Variants in KCND2 observed in about 807,000 individuals in gnomAD.
KCND2 encodes the protein potassium voltage-gated channel subfamily D member 2, also known as A-type voltage-gated potassium channel KCND2.
A neutral mutation model predicts 54.4 loss-of-function variants in KCND2; 16 were observed. That is an observed-to-expected ratio of 0.29 (90% CI 0.20 to 0.45). The LOEUF (loss-of-function observed/expected upper bound fraction) is 0.45, where lower values mean the gene tolerates loss of function less well. KCND2 is among the 20% of genes least tolerant of loss of function. The pLI, the probability that KCND2 is intolerant of heterozygous loss-of-function variation, is 1.00. For missense variants in KCND2, 486 were observed against 824.2 expected, an observed-to-expected ratio of 0.59 and a Z score of 5.02; for synonymous variants, 317 against 310.7, an observed-to-expected ratio of 1.02 and a Z score of -0.21.
intron 1 of KCND2, among the ~76,000 whole-genome samples, chr7:120,351,379 CA>C (rs1173569731): frequency 2.4e-5 from 3 of 127,482 alleles, no homozygotes; most frequent in Non-Finnish European, 5.0e-5. Flanking sequence ...CACACACACA[CA>C]CACACACACA....
At chr7:120,335,483 ATTT>A in intron 1 of KCND2, among the ~76,000 whole-genome samples, 1 of 140,658 alleles carries the variant, frequency 7.1e-6, no homozygotes, top group South Asian at 2.3e-4. Flanking sequence ...TTATTTATTT[ATTT>A]ATTTATTTAT....
chr7:120,333,988 T>C (rs1374186593), intron 1 of KCND2, among the ~76,000 whole-genome samples: 1 of 152,204 alleles, frequency 6.6e-6, no homozygotes, highest in Non-Finnish European at 1.5e-5. Flanking sequence ...TAAATTATAA[T>C]CAGAATTTTG....
At chr7:120,442,056 A>T (rs1420502551) in intron 1 of KCND2, among the ~76,000 whole-genome samples, 1 of 152,158 alleles carries the variant, frequency 6.6e-6, no homozygotes, top group Non-Finnish European at 1.5e-5. Flanking sequence ...CTACTGAAAC[A>T]GAAACTATAT....
At chr7:120,653,000 G>T (rs994881860) in intron 1 of KCND2, among the ~76,000 whole-genome samples, 1 of 152,016 alleles carries the variant, frequency 6.6e-6, no homozygotes, top group Non-Finnish European at 1.5e-5. Context: ...GACCTGAGAT[G>T]GATGGAAGAG....
intron 1 of KCND2, among the ~76,000 whole-genome samples, chr7:120,608,926 A>G (rs1308026931): frequency 2.0e-5 from 3 of 152,168 alleles, no homozygotes; most frequent in Non-Finnish European, 4.4e-5. Context: ...ACACCAAGTA[A>G]CTGACCAGTT....
chr7:120,733,205 A>G, intron 2 of KCND2, 140 bp downstream of exon 2: 2 of 772,970 alleles, frequency 2.6e-6, no homozygotes, highest in South Asian at 3.1e-5. Flanking sequence ...ATTCTACACT[A>G]AAAAGAAACG....
At chr7:120,687,082 A>G (rs1342493505) in intron 1 of KCND2, among the ~76,000 whole-genome samples, 1 of 152,088 alleles carries the variant, frequency 6.6e-6, no homozygotes, top group Non-Finnish European at 1.5e-5. Context: ...ACTACCTACT[A>G]TAACACTACC....
intron 1 of KCND2, among the ~76,000 whole-genome samples, chr7:120,496,525 C>T (rs987371429): frequency 6.6e-6 from 1 of 151,940 alleles, no homozygotes; most frequent in African/African-American, 2.4e-5. Flanking sequence ...CCCAGTTTCA[C>T]GCCATTCTCC....
chr7:120,645,590 TAC>T (rs370476276), intron 1 of KCND2, among the ~76,000 whole-genome samples: 185 of 152,334 alleles, frequency 1.2e-3, no homozygotes, highest in African/African-American at 4.3e-3. Context: ...GGCATGCTAA[TAC>T]AGAGTTCTGT....
intron 1 of KCND2, among the ~76,000 whole-genome samples, chr7:120,413,524 T>C (rs1163765069): frequency 6.6e-6 from 1 of 152,042 alleles, no homozygotes; most frequent in Non-Finnish European, 1.5e-5. Context: ...TACTTATGTA[T>C]ACACATACAT....
Position 120,273,731 on chromosome 7 carries a change from C to T in KCND2, c.-902C>T, listed in dbSNP as rs796567126. 2.6e-5 allele frequency: 4 copies of T among 152,794 alleles called. No homozygotes were observed. Among genetic ancestry groups the T allele is most frequent in the African/African-American group, 9.6e-5 (4 of 41,576 alleles). The allele number at this position is 152,794 out of a possible 1,614,324, so 9.5% of individuals were successfully genotyped here. ...CGGGTGCACGGCGAGGAGAAAGTCT[C>T]TATGCAACTAAGCCCCGGCGCGCAC... On this transcript the variant is annotated 5_prime_UTR_variant, in exon 1 of 6. Transcript: ENST00000331113.
intron 1 of KCND2, among the ~76,000 whole-genome samples, chr7:120,676,793 G>A (rs1182690208): frequency 6.6e-6 from 1 of 152,162 alleles, no homozygotes; most frequent in Non-Finnish European, 1.5e-5. Context: ...GTTTCGAAAT[G>A]TAATGACCAA....
intron 1 of KCND2, among the ~76,000 whole-genome samples, chr7:120,615,479 A>T (rs1793012315): frequency 6.6e-6 from 1 of 152,190 alleles, no homozygotes; most frequent in Non-Finnish European, 1.5e-5. Context: ...CTTTTAAAGG[A>T]TAAATAAATG....
At chr7:120,672,861 A>C (rs1459194301) in intron 1 of KCND2, 2 of 152,232 alleles carry the variant, frequency 1.3e-5, no homozygotes, top group East Asian at 1.9e-4. Context: ...ACAAAGAGGA[A>C]ATTTCTGCTC....
intron 1 of KCND2, among the ~76,000 whole-genome samples, chr7:120,361,059 T>C (rs1039432280): frequency 1.3e-5 from 2 of 152,088 alleles, no homozygotes; most frequent in African/African-American, 2.4e-5. Flanking sequence ...CTTTCAGTAC[T>C]GGTCCTTGTG....
intron 1 of KCND2, among the ~76,000 whole-genome samples, chr7:120,712,884 T>C (rs1792557980): frequency 6.6e-6 from 1 of 152,184 alleles, no homozygotes; most frequent in Admixed American, 6.5e-5. Flanking sequence ...CGATTTAAGC[T>C]CTGCCATTAA....
intron 1 of KCND2, among the ~76,000 whole-genome samples, chr7:120,392,967 A>G (rs761380013): frequency 1.2e-4 from 18 of 152,054 alleles, no homozygotes; most frequent in Non-Finnish European, 1.9e-4. Flanking sequence ...TTAAAATAGC[A>G]TGCGCTTATT....
At chr7:120,681,944 ATAGT>A (rs1320174276) in intron 1 of KCND2, among the ~76,000 whole-genome samples, 2 of 152,038 alleles carry the variant, frequency 1.3e-5, no homozygotes, top group African/African-American at 2.4e-5. Context: ...CCAAAAAGGC[ATAGT>A]TAAACTCTAA....
chr7:120,544,736 C>T (rs934504370), intron 1 of KCND2, among the ~76,000 whole-genome samples: 4 of 151,884 alleles, frequency 2.6e-5, no homozygotes, highest in African/African-American at 7.2e-5. Context: ...AATCATTACA[C>T]GTTTTCCCAC....
Sources: gnomAD v4.1 joint callset for allele counts (sites outside exome capture counted in the v4.1 genomes callset) on GRCh38, gnomAD v4.1.1 for gene constraint, MANE v1.5 for transcripts, NCBI Gene and HGNC (gene_info 2026-07-23, HGNC 2026-07-21) for gene names.